The following AGFG1 variants were observed in gnomAD, a reference collection of about 807,000 sequenced individuals.
The protein encoded by AGFG1 is arf-GAP domain and FG repeat-containing protein 1.
A neutral mutation model predicts 60.6 loss-of-function variants in AGFG1; 10 were observed. The observed-to-expected ratio is 0.16, with a 90% CI of 0.10 to 0.28. The LOEUF is 0.28. Ranked by LOEUF, AGFG1 falls within the 10% of genes least tolerant of loss-of-function variation. The pLI, the probability that AGFG1 is intolerant of heterozygous loss-of-function variation, is 1.00. For synonymous variants in AGFG1, 247 were observed against 242.9 expected (o/e 1.02, Z -0.16); for missense variants, 537 against 676.5 (o/e 0.79, Z 2.29).
At chr2:227,522,990 T>A (rs145521587) in intron 3 of AGFG1, among the ~76,000 whole-genome samples, 1 of 152,352 alleles carries the variant, frequency 6.6e-6, no homozygotes, top group Non-Finnish European at 1.5e-5. Flanking sequence ...TTTTCCTTGA[T>A]AGATGTTGGG....
intron 2 of AGFG1, among the ~76,000 whole-genome samples, chr2:227,511,087 A>G (rs1201886303): frequency 1.3e-5 from 2 of 152,212 alleles, no homozygotes; most frequent in African/African-American, 4.8e-5. Context: ...GTGAATCAGT[A>G]TGTATAATAA....
rs1296266213 is a variant in AGFG1, at chr2:227,522,918, T to A, written c.378-845T>A. 2.6e-5 allele frequency among the ~76,000 whole-genome samples: 4 copies of A among 152,346 alleles called. No homozygotes were observed. In the East Asian group the frequency reaches 7.7e-4, roughly 29 times the overall value. ...ACTGGAATCAAATCTGAAAGACCTG[T>A]GAAGTTTCCTCTTTCCATGTCAAAG... is the stretch of plus-strand genomic sequence containing the variant. On this transcript the variant is annotated intron_variant, in intron 3 of 12. Coordinates refer to ENST00000310078, the MANE Select transcript of AGFG1 (RefSeq NM_004504.5).
rs1287165118 is a variant in AGFG1, at chr2:227,484,677, GTTTTTTTTTTGTTTTTTTTTTTTT to G, written c.168-6859_168-6836del. The stretch of plus-strand genomic sequence containing the variant: ...AAGCTTCTTTAATGAAGATCTCTTA[GTTTTTTTTTTGTTTTTTTTTTTTT>G]TTTTTTTTTTTTTTTTTTTTGAGAT... On this transcript the variant is annotated intron_variant, in intron 1 of 12. Transcript: ENST00000310078. Among the ~76,000 whole-genome samples, 93 of 115,890 alleles carry G rather than the reference GTTTTTTTTTTGTTTTTTTTTTTTT, an allele frequency of 8.0e-4. 11 individuals carry two copies. Among genetic ancestry groups the G allele is most frequent in the East Asian group, 4.3e-3 (17 of 3,962 alleles). 76.0% of individuals were successfully genotyped at this position (115,890 alleles called of 152,430 possible).
At chr2:227,491,510 T>G in intron 1 of AGFG1, 37 bp from the exon 2 acceptor site, 2 of 1,321,736 alleles carry the variant, frequency 1.5e-6, no homozygotes, top group Non-Finnish European at 2.1e-6. Flanking sequence ...AAATGTGGTA[T>G]GTACTAGTAA....
At chr2:227,544,357 T>C (rs1357309491) in intron 10 of AGFG1, among the ~76,000 whole-genome samples, 2 of 152,086 alleles carry the variant, frequency 1.3e-5, no homozygotes, top group South Asian at 2.1e-4. Flanking sequence ...GATTTCACCT[T>C]GTTAGCCAGG....
At chr2:227,538,877 C>T (rs1221381704) in intron 10 of AGFG1, among the ~76,000 whole-genome samples, 2 of 151,614 alleles carry the variant, frequency 1.3e-5, no homozygotes, top group Non-Finnish European at 2.9e-5. Context: ...TATTAAGTAA[C>T]AAAAATTTAT....
intron 2 of AGFG1, among the ~76,000 whole-genome samples, chr2:227,507,934 G>C (rs1055793825): frequency 6.7e-6 from 1 of 149,026 alleles, no homozygotes; most frequent in African/African-American, 2.5e-5. Context: ...GAGGTAATCT[G>C]TTTTTGAAAC....
At chr2:227,526,062 T>C (rs1235471330) in intron 5 of AGFG1, among the ~76,000 whole-genome samples, 4 of 152,206 alleles carry the variant, frequency 2.6e-5, no homozygotes, top group African/African-American at 7.2e-5. Context: ...CTTTTTTCTT[T>C]AGTATCATTA....
intron 1 of AGFG1, among the ~76,000 whole-genome samples, chr2:227,486,469 T>A (rs1440354361): frequency 6.6e-6 from 1 of 152,206 alleles, no homozygotes; most frequent in Non-Finnish European, 1.5e-5. Context: ...TCCTACTGCC[T>A]TATTAACTTA....
intron 2 of AGFG1, among the ~76,000 whole-genome samples, chr2:227,511,617 A>T (rs1691499944): frequency 6.6e-6 from 1 of 152,192 alleles, no homozygotes. Context: ...GTTCTAGGTC[A>T]GTGTGTATAT....
At chr2:227,534,593 A>G (rs887340876) in intron 7 of AGFG1, among the ~76,000 whole-genome samples, 6 of 152,186 alleles carry the variant, frequency 3.9e-5, no homozygotes, top group Non-Finnish European at 7.3e-5. Context: ...TTTCTTATGC[A>G]TAATCCAGAC....
At chr2:227,552,739 C>T (rs979780138) in intron 11 of AGFG1, among the ~76,000 whole-genome samples, 4 of 149,090 alleles carry the variant, frequency 2.7e-5, no homozygotes, top group Middle Eastern at 3.2e-3. Context: ...TGGTGGCTTA[C>T]GCCTGTAATC....
rs869114764 is a variant in AGFG1 at position 227,497,735 on chromosome 2, G to GTTTTTTTTTTTT, written c.261+6110_261+6121dup. On this transcript the variant is annotated intron_variant, in intron 2 of 12. Transcript: ENST00000310078. The stretch of plus-strand genomic sequence containing the variant: ...GCCAAATGAGTTTCTTTCTTGTTTT[G>GTTTTTTTTTTTT]TTTTTTTTTTTTTTTTTTTTTTTTT... Among the ~76,000 whole-genome samples the GTTTTTTTTTTTT allele has an allele frequency of 8.6e-4, 24 of 28,014 alleles. 6 individuals carry two copies. The highest frequency in any genetic ancestry group is 8.6e-4 in the Non-Finnish European group (12 of 14,028). The allele number at this position is 28,014 out of a possible 152,430, so 18.4% of individuals were successfully genotyped here. A position where few individuals can be genotyped will look rare whatever the true frequency, so the allele number is the denominator to read the frequency against.
intron 1 of AGFG1, among the ~76,000 whole-genome samples, chr2:227,479,487 A>G (rs915991745): frequency 1.3e-5 from 2 of 152,212 alleles, no homozygotes; most frequent in African/African-American, 4.8e-5. Context: ...CAATTTGAAA[A>G]TCATTGTCTT....
chr2:227,554,715 T>G lies in AGFG1; in HGVS notation c.*220T>G. 1 of 429,640 alleles carries G rather than the reference T, an allele frequency of 2.3e-6. No individual in the cohort carries two copies. The highest frequency in any genetic ancestry group is 4.1e-6 in the Non-Finnish European group (1 of 241,244). 26.6% of individuals were successfully genotyped at this position (429,640 alleles called of 1,614,324 possible). A position where few individuals can be genotyped will look rare whatever the true frequency, so the allele number is the denominator to read the frequency against. The stretch of plus-strand genomic sequence containing the variant: ...TTGGCAGAAAAGGGTAGCGGTATCA[T>G]GTATATTAAAATTGGCTAATATTAA... On this transcript the variant is annotated 3_prime_UTR_variant, in exon 13 of 13. Coordinates refer to ENST00000310078, the MANE Select transcript of AGFG1 (RefSeq NM_004504.5).
intron 1 of AGFG1, among the ~76,000 whole-genome samples, chr2:227,489,656 C>T (rs1336314730): frequency 6.6e-6 from 1 of 152,026 alleles, no homozygotes; most frequent in Non-Finnish European, 1.5e-5. Context: ...CAACCAAACC[C>T]AAGTTAACTT....
chr2:227,509,913 T>C (rs888707815), intron 2 of AGFG1, among the ~76,000 whole-genome samples: 2 of 152,148 alleles, frequency 1.3e-5, no homozygotes, highest in African/African-American at 2.4e-5. Flanking sequence ...CTGATATATT[T>C]AACTAGATAA....
chr2:227,526,303 C>T (rs1387609859), intron 5 of AGFG1, among the ~76,000 whole-genome samples: 1 of 152,128 alleles, frequency 6.6e-6, no homozygotes, highest in Non-Finnish European at 1.5e-5. Context: ...AAGCTATTCT[C>T]TCACCTCAGC....
intron 6 of AGFG1, among the ~76,000 whole-genome samples, 175 bp from the exon 7 acceptor site, chr2:227,533,374 A>G (rs936887014): frequency 1.3e-5 from 2 of 152,306 alleles, no homozygotes; most frequent in African/African-American, 2.4e-5. Context: ...TGAAAAATCT[A>G]CTTTTACAAA....
Sources: allele counts gnomAD v4.1 joint callset (sites outside exome capture counted in the v4.1 genomes callset), GRCh38; gene constraint gnomAD v4.1.1; transcripts MANE v1.5; gene names NCBI Gene and HGNC (gene_info 2026-07-23, HGNC 2026-07-21).